Variants in GRIP1 observed in about 807,000 individuals in gnomAD.
The protein encoded by GRIP1 is glutamate receptor-interacting protein 1.
In GRIP1, 45 loss-of-function variants were observed where a neutral mutation model predicts 129.9. That is an observed-to-expected ratio of 0.35 (90% CI 0.27 to 0.44). The LOEUF (loss-of-function observed/expected upper bound fraction) is 0.44, where lower values mean the gene tolerates loss of function less well. Ranked by LOEUF, GRIP1 falls within the 20% of genes least tolerant of loss-of-function variation. The pLI, the probability that GRIP1 is intolerant of heterozygous loss-of-function variation, is 1.00. For missense variants in GRIP1, 1,196 were observed against 1,396.8 expected (o/e 0.86, Z 2.29); for synonymous variants, 530 against 520.8 (o/e 1.02, Z -0.24).
intron 2 of GRIP1, among the ~76,000 whole-genome samples, chr12:66,552,356 T>C (rs564768504): frequency 2.2e-4 from 34 of 152,298 alleles, no homozygotes; most frequent in Admixed American, 4.6e-4. Flanking sequence ...AATAGAGAGA[T>C]TAAAATGAAG....
intron 1 of GRIP1, among the ~76,000 whole-genome samples, chr12:67,022,190 T>C (rs2042877489): frequency 6.6e-6 from 1 of 152,204 alleles, no homozygotes; most frequent in Admixed American, 6.5e-5. Flanking sequence ...TCCTCTCCTT[T>C]GGATATATAT....
intron 1 of GRIP1, among the ~76,000 whole-genome samples, chr12:66,967,022 T>C (rs1017754088): frequency 1.3e-5 from 2 of 152,236 alleles, no homozygotes; most frequent in African/African-American, 4.8e-5. Flanking sequence ...TTTGTATAGA[T>C]ACACCACAAT....
intron 2 of GRIP1, among the ~76,000 whole-genome samples, chr12:66,550,161 C>T (rs559038109): frequency 6.6e-6 from 1 of 152,228 alleles, no homozygotes; most frequent in Admixed American, 6.5e-5. Context: ...TGCTATTAAG[C>T]TTTCCAATGT....
At chr12:66,739,489 C>T (rs2036718209) in intron 1 of GRIP1, among the ~76,000 whole-genome samples, 2 of 152,134 alleles carry the variant, frequency 1.3e-5, no homozygotes, top group Non-Finnish European at 2.9e-5. Context: ...AGATATCCCA[C>T]AGTCTCAGTG....
chr12:66,832,400 G>A (rs2039535030), intron 1 of GRIP1, among the ~76,000 whole-genome samples: 1 of 152,080 alleles, frequency 6.6e-6, no homozygotes, highest in South Asian at 2.1e-4. Context: ...TTACAAAGGG[G>A]TTTCTTAAAT....
chr12:66,385,107 A>AT (rs1315595427), intron 19 of GRIP1, among the ~76,000 whole-genome samples: 3 of 152,192 alleles, frequency 2.0e-5, no homozygotes, highest in Non-Finnish European at 4.4e-5. Flanking sequence ...AGATAATGAA[A>AT]TTTTTTTTGT....
intron 1 of GRIP1, among the ~76,000 whole-genome samples, chr12:66,869,013 G>C (rs1401293065): frequency 6.6e-6 from 1 of 152,082 alleles, no homozygotes; most frequent in Non-Finnish European, 1.5e-5. Flanking sequence ...CTGGCAAGTA[G>C]AATCTACAAG....
At chr12:66,590,743 T>C (rs1365820538) in intron 2 of GRIP1, among the ~76,000 whole-genome samples, 3 of 152,218 alleles carry the variant, frequency 2.0e-5, no homozygotes, top group African/African-American at 7.2e-5. Flanking sequence ...CCTCTGGCTT[T>C]TCAAAGTCTC....
intron 2 of GRIP1, among the ~76,000 whole-genome samples, chr12:66,552,629 T>C (rs1309518948): frequency 6.6e-6 from 1 of 152,112 alleles, no homozygotes; most frequent in East Asian, 1.9e-4. Flanking sequence ...ACAGTAATTG[T>C]CAAACAATGG....
At chr12:66,924,686 G>A (rs865893745) in intron 1 of GRIP1, among the ~76,000 whole-genome samples, 17 of 152,172 alleles carry the variant, frequency 1.1e-4, no homozygotes, top group Non-Finnish European at 2.1e-4. Context: ...TTAATAGAGC[G>A]GCCAGGCACG....
intron 7 of GRIP1, among the ~76,000 whole-genome samples, chr12:66,489,891 A>G (rs927319938): frequency 7.9e-5 from 12 of 152,174 alleles, no homozygotes; most frequent in Admixed American, 2.0e-4. Flanking sequence ...TGCTACAAAG[A>G]AAATAAAATA....
intron 1 of GRIP1, among the ~76,000 whole-genome samples, chr12:66,963,411 T>C (rs983404689): frequency 3.9e-5 from 6 of 152,158 alleles, no homozygotes; most frequent in African/African-American, 1.4e-4. Context: ...AGGCTTTACA[T>C]GTATTTCATC....
chr12:66,617,477 C>T (rs1439767472), intron 1 of GRIP1, among the ~76,000 whole-genome samples: 1 of 151,922 alleles, frequency 6.6e-6, no homozygotes, highest in Admixed American at 6.6e-5. Flanking sequence ...ATGAATGCTT[C>T]ATCACATTCT....
chr12:66,643,890 T>G (rs1039895510), intron 1 of GRIP1, among the ~76,000 whole-genome samples: 2 of 152,122 alleles, frequency 1.3e-5, no homozygotes, highest in African/African-American at 4.8e-5. Context: ...CTTACGTATT[T>G]TCTGAAATTG....
intron 1 of GRIP1, among the ~76,000 whole-genome samples, chr12:66,736,045 AG>A (rs1258733747): frequency 6.6e-6 from 1 of 152,134 alleles, no homozygotes; most frequent in East Asian, 1.9e-4. Flanking sequence ...AACAATGCTG[AG>A]GGGTTGGGGA....
At chr12:66,984,892 C>A (rs930659708) in intron 1 of GRIP1, among the ~76,000 whole-genome samples, 2 of 152,198 alleles carry the variant, frequency 1.3e-5, no homozygotes, top group Admixed American at 6.5e-5. Flanking sequence ...ACTACAGCAA[C>A]CATTTTATTT....
chr12:66,640,889 A>T (rs926268490), intron 1 of GRIP1, among the ~76,000 whole-genome samples: 3 of 152,212 alleles, frequency 2.0e-5, no homozygotes, highest in African/African-American at 7.2e-5. Flanking sequence ...AGTAGTTCAT[A>T]AATCCCACTG....
chr12:66,784,397 T>A, intron 1 of GRIP1, among the ~76,000 whole-genome samples: 1 of 152,292 alleles, frequency 6.6e-6, no homozygotes, highest in South Asian at 2.1e-4. Flanking sequence ...TTTTATAACC[T>A]CACAATATCC....
intron 2 of GRIP1, among the ~76,000 whole-genome samples, chr12:66,554,496 C>G (rs1243694988): frequency 6.6e-6 from 1 of 152,074 alleles, no homozygotes; most frequent in African/African-American, 2.4e-5. Context: ...AGGAAAGACT[C>G]TGCTTGAGAA....
Sources: allele counts gnomAD v4.1 joint callset (sites outside exome capture counted in the v4.1 genomes callset), GRCh38; gene constraint gnomAD v4.1.1; transcripts MANE v1.5; gene names NCBI Gene and HGNC (gene_info 2026-07-23, HGNC 2026-07-21).